ZBTB16: variants seen among roughly 807,000 people sequenced by gnomAD.
The protein encoded by ZBTB16 is zinc finger and BTB domain containing 16.
Under a neutral mutation model 56.8 loss-of-function variants are expected in ZBTB16, and 8 were observed. That is an observed-to-expected ratio of 0.14 (90% CI 0.08 to 0.25). The LOEUF is 0.25. Among genes scored for constraint, ZBTB16 ranks in the 10% least tolerant of loss-of-function variants. The probability of loss-of-function intolerance (pLI) is 1.00; values close to 1 mark genes in which losing one functional copy is unlikely to be tolerated. For synonymous variants in ZBTB16, 363 were observed against 368.5 expected, an observed-to-expected ratio of 0.98 and a Z score of 0.17; for missense variants, 625 against 903.0, an observed-to-expected ratio of 0.69 and a Z score of 3.95.
intron 3 of ZBTB16, among the ~76,000 whole-genome samples, chr11:114,158,753 T>G (rs1942493884): frequency 6.6e-6 from 1 of 152,204 alleles, no homozygotes; most frequent in African/African-American, 2.4e-5. Flanking sequence ...AGGCTCACCT[T>G]GAATACATAC....
In ZBTB16 at chr11:114,126,627, C is replaced by G. The variant is rs190137120; in HGVS notation, c.1269-29710C>G. Among the ~76,000 whole-genome samples, 463 of 152,308 alleles carry G rather than the reference C, an allele frequency of 3.0e-3. 1 individual carries two copies. Among genetic ancestry groups the G allele is most frequent in the African/African-American group, 0.011 (448 of 41,564 alleles). ...GGTTAGGGATCCGGCTGCAGTGACA[C>G]TGGTGAGGTGAGAGGTTGAAGGGAT... is the stretch of plus-strand genomic sequence containing the variant. On this transcript the variant is annotated intron_variant, in intron 2 of 6. Coordinates refer to ENST00000335953, the MANE Select transcript of ZBTB16 (RefSeq NM_006006.6).
chr11:114,208,690 A>G (rs1943937509), intron 4 of ZBTB16, among the ~76,000 whole-genome samples: 1 of 152,054 alleles, frequency 6.6e-6, no homozygotes, highest in Non-Finnish European at 1.5e-5. Flanking sequence ...GGCTTCTTTT[A>G]TCTTGCACCT....
chr11:114,097,720 G>C (rs1277543924), intron 2 of ZBTB16, among the ~76,000 whole-genome samples: 1 of 152,058 alleles, frequency 6.6e-6, no homozygotes, highest in East Asian at 1.9e-4. Context: ...TACTTGTTGA[G>C]GTCTTGTGTT....
rs66489516 is a variant in ZBTB16, at chr11:114,207,590, A to AACACACAC, written c.1453+20582_1453+20589dup. On this transcript the variant is annotated intron_variant, in intron 4 of 6. Transcript: ENST00000335953. ...TCTTGTTTGCCTGATACACACACAC[A>AACACACAC]ACACACACACACACACACACACACA... Among the ~76,000 whole-genome samples the AACACACAC allele has an allele frequency of 9.0e-3, 1,289 of 143,688 alleles. 17 individuals are homozygous for AACACACAC. Among genetic ancestry groups the AACACACAC allele is most frequent in the African/African-American group, 0.03 (1,150 of 38,604 alleles). The allele number at this position is 143,688 out of a possible 152,430, so 94.3% of individuals were successfully genotyped here. A position where few individuals can be genotyped will look rare whatever the true frequency, so the allele number is the denominator to read the frequency against.
At chr11:114,237,562 A>G (rs569588924) in intron 4 of ZBTB16, among the ~76,000 whole-genome samples, 4 of 152,282 alleles carry the variant, frequency 2.6e-5, no homozygotes, top group African/African-American at 9.6e-5. Flanking sequence ...CGCACATCTC[A>G]CTGCAGCTAA....
chr11:114,157,243 C>T (rs928178149), intron 3 of ZBTB16, among the ~76,000 whole-genome samples: 1 of 152,134 alleles, frequency 6.6e-6, no homozygotes, highest in Admixed American at 6.5e-5. Flanking sequence ...AACTGGCCCT[C>T]CAGGCAGTTT....
intron 4 of ZBTB16, among the ~76,000 whole-genome samples, chr11:114,201,285 G>A (rs763130096): frequency 2.0e-5 from 3 of 152,154 alleles, no homozygotes; most frequent in Non-Finnish European, 4.4e-5. Flanking sequence ...AACCTCTTCT[G>A]AGTTAGACAG....
chr11:114,114,800 C>G (rs1431851365), intron 2 of ZBTB16, among the ~76,000 whole-genome samples: 1 of 151,976 alleles, frequency 6.6e-6, no homozygotes, highest in African/African-American at 2.4e-5. Context: ...CTATGTCAGC[C>G]TCCCGAGTAG....
intron 2 of ZBTB16, among the ~76,000 whole-genome samples, chr11:114,130,937 G>T (rs1348596145): frequency 6.6e-6 from 1 of 152,220 alleles, no homozygotes; most frequent in African/African-American, 2.4e-5. Context: ...CTGCTGAAAT[G>T]CTTTGCAAAA....
At chr11:114,083,275 A>G (rs1591648657) in intron 2 of ZBTB16, among the ~76,000 whole-genome samples, 1 of 152,114 alleles carries the variant, frequency 6.6e-6, no homozygotes, top group Admixed American at 6.5e-5. Flanking sequence ...GGCACCTACC[A>G]CCTTTAACCC....
chr11:114,248,575 C>A (rs562626473), intron 6 of ZBTB16, among the ~76,000 whole-genome samples: 2 of 152,200 alleles, frequency 1.3e-5, no homozygotes, highest in African/African-American at 4.8e-5. Flanking sequence ...TCAGGGGAGA[C>A]AGCTGTCCTG....
chr11:114,074,648 T>C (rs567177379), intron 2 of ZBTB16, among the ~76,000 whole-genome samples: 1 of 152,354 alleles, frequency 6.6e-6, no homozygotes, highest in East Asian at 1.9e-4. Context: ...AACCCACTAA[T>C]GGGAACCAGT....
chr11:114,220,309 G>A (rs1399462042), intron 4 of ZBTB16, among the ~76,000 whole-genome samples: 1 of 152,234 alleles, frequency 6.6e-6, no homozygotes, highest in East Asian at 1.9e-4. Flanking sequence ...CTGAATAGCA[G>A]CCATTCAGGC....
chr11:114,127,358 C>T (rs890495876), intron 2 of ZBTB16, among the ~76,000 whole-genome samples: 8 of 152,280 alleles, frequency 5.3e-5, no homozygotes, highest in East Asian at 1.9e-4. Flanking sequence ...TCAGCCCACA[C>T]GGATGGGCCA....
intron 4 of ZBTB16, among the ~76,000 whole-genome samples, chr11:114,212,903 T>A (rs1476857382): frequency 6.6e-6 from 1 of 151,958 alleles, no homozygotes; most frequent in East Asian, 1.9e-4. Context: ...AGTCTCTATG[T>A]TTTCTGCTTG....
At chr11:114,216,010 G>A (rs528521592) in intron 4 of ZBTB16, among the ~76,000 whole-genome samples, 2 of 152,270 alleles carry the variant, frequency 1.3e-5, no homozygotes, top group Admixed American at 6.5e-5. Flanking sequence ...GTGTGGGAGC[G>A]TTGATGAAGG....
chr11:114,104,250 C>T (rs1313561671), intron 2 of ZBTB16, among the ~76,000 whole-genome samples: 1 of 152,084 alleles, frequency 6.6e-6, no homozygotes, highest in Non-Finnish European at 1.5e-5. Flanking sequence ...ACTTTGAAGG[C>T]AGAAAGGATA....
At chr11:114,213,646 C>A (rs144858684) in intron 4 of ZBTB16, among the ~76,000 whole-genome samples, 21 of 152,322 alleles carry the variant, frequency 1.4e-4, no homozygotes, top group African/African-American at 5.1e-4. Flanking sequence ...ATGAACATTC[C>A]TGTGTCCAGA....
intron 4 of ZBTB16, among the ~76,000 whole-genome samples, chr11:114,196,924 C>T (rs1403599324): frequency 1.3e-5 from 2 of 152,138 alleles, no homozygotes; most frequent in Non-Finnish European, 2.9e-5. Flanking sequence ...CAATCTGGGG[C>T]AGGACTTGAA....
Sources: gnomAD v4.1 joint callset for allele counts (sites outside exome capture counted in the v4.1 genomes callset) on GRCh38, gnomAD v4.1.1 for gene constraint, MANE v1.5 for transcripts, NCBI Gene and HGNC (gene_info 2026-07-23, HGNC 2026-07-21) for gene names.